UBXN7: variants seen among roughly 807,000 people sequenced by gnomAD.
UBXN7 encodes UBX domain protein 7.
A neutral mutation model predicts 58.0 loss-of-function variants in UBXN7; 9 were observed. The ratio of observed to expected loss-of-function variants is 0.16; its 90% CI spans 0.09 to 0.27. The LOEUF is 0.27. UBXN7 is among the 10% of genes least tolerant of loss of function. The pLI is 1.00. For missense variants in UBXN7, 328 were observed against 599.6 expected (o/e 0.55, Z 4.73); for synonymous variants, 208 against 205.0 (o/e 1.01, Z -0.12).
intron 3 of UBXN7, among the ~76,000 whole-genome samples, chr3:196,401,789 A>AG (rs1729994786): frequency 6.8e-6 from 1 of 147,244 alleles, no homozygotes; most frequent in Admixed American, 6.8e-5. Flanking sequence ...AAAAAAAAAA[A>AG]GTAAAGAAAG....
chr3:196,374,396 TAGC>T (rs369044176), intron 5 of UBXN7, among the ~76,000 whole-genome samples: 2 of 152,120 alleles, frequency 1.3e-5, no homozygotes, highest in African/African-American at 4.8e-5. Context: ...ATTAAAGTAA[TAGC>T]AGTTCTAAAA....
intron 7 of UBXN7, among the ~76,000 whole-genome samples, chr3:196,368,597 A>T (rs999859503): frequency 6.6e-6 from 1 of 152,198 alleles, no homozygotes; most frequent in Non-Finnish European, 1.5e-5. Flanking sequence ...ATAACCTAGA[A>T]GTCACATCAA....
Position 196,362,571 on chromosome 3 carries a change from T to C in UBXN7, c.951A>G (p.Glu317=). Residue 317 remains glutamate, a synonymous_variant, in exon 9 of 11, where the codon GAA becomes GAG. Transcript: ENST00000296328. ...TGCCAGAAAAAAGTTCAGATTCAGATTCTTCATCTGAGCGGCTATCCTGTT... is the reference window on the plus strand; with the variant it reads ...TGCCAGAAAAAAGTTCAGATTCAGACTCTTCATCTGAGCGGCTATCCTGTT... ...QTKQDSRSDE[E]SESELFSGSE... is the part of the protein sequence containing the mutation. 1.9e-6 allele frequency: 3 copies of C among 1,614,208 alleles called. No homozygotes were observed. Among genetic ancestry groups the C allele is most frequent in the Non-Finnish European group, 2.5e-6 (3 of 1,180,036 alleles).
At chr3:196,406,036 G>GT (rs1211429885) in intron 2 of UBXN7, among the ~76,000 whole-genome samples, 1,497 of 146,362 alleles carry the variant, frequency 0.01, 24 homozygotes, top group African/African-American at 0.031. Flanking sequence ...TTTGTTTTTT[G>GT]TTTTTTTTTT....
intron 1 of UBXN7, among the ~76,000 whole-genome samples, chr3:196,419,699 G>A (rs901566205): frequency 4.6e-5 from 7 of 152,122 alleles, no homozygotes; most frequent in East Asian, 1.9e-4. Flanking sequence ...CTGGGGAGTC[G>A]GGGATACTAC....
intron 1 of UBXN7, among the ~76,000 whole-genome samples, chr3:196,430,364 T>G (rs1577486015): frequency 1.2e-5 from 1 of 86,414 alleles, no homozygotes; most frequent in Admixed American, 1.7e-4. Flanking sequence ...TGTCTCAAAA[T>G]AATAATAATA....
chr3:196,428,047 C>A (rs1343243375), intron 1 of UBXN7, among the ~76,000 whole-genome samples: 1 of 152,166 alleles, frequency 6.6e-6, no homozygotes, highest in Non-Finnish European at 1.5e-5. Context: ...CTGCTTGAAC[C>A]CAGGAGGCGG....
At chr3:196,396,504 T>C (rs1327512708) in intron 3 of UBXN7, among the ~76,000 whole-genome samples, 1 of 152,194 alleles carries the variant, frequency 6.6e-6, no homozygotes, top group African/African-American at 2.4e-5. Context: ...AGCTCACGCC[T>C]GTAATCCCAG....
Position 196,386,466 on chromosome 3 carries a change from C to A in UBXN7, c.468+5347G>T, listed in dbSNP as rs1169955384. The stretch of plus-strand genomic sequence containing the variant: ...TGACATGATTGTATATTTAGAAAAC[C>A]CCATCGTCTCAGCCCAAAACCTCCT... On this transcript the variant is annotated intron_variant, in intron 5 of 10. Transcript: ENST00000296328. Among the ~76,000 whole-genome samples, 6 of 151,416 alleles carry A rather than the reference C, an allele frequency of 4.0e-5. No homozygotes were observed. The East Asian group carries it at 1.2e-3, about 29-fold the overall frequency.
intron 5 of UBXN7, among the ~76,000 whole-genome samples, chr3:196,387,672 G>A (rs1338978127): frequency 6.6e-6 from 1 of 152,180 alleles, no homozygotes; most frequent in Non-Finnish European, 1.5e-5. Flanking sequence ...TATCTATGCA[G>A]CGAACAGACA....
chr3:196,368,385 G>A (rs1414459565), intron 7 of UBXN7, among the ~76,000 whole-genome samples: 1 of 151,716 alleles, frequency 6.6e-6, no homozygotes, highest in African/African-American at 2.4e-5. Context: ...TTAAAAACCA[G>A]GATCTATAAA....
intron 5 of UBXN7, among the ~76,000 whole-genome samples, chr3:196,389,838 T>C (rs1729523201): frequency 1.3e-5 from 2 of 152,176 alleles, no homozygotes; most frequent in African/African-American, 2.4e-5. Flanking sequence ...AAATACTTCA[T>C]GTATGACAGT....
At position 196,356,127 on chromosome 3, in the gene UBXN7, C is replaced by A. The variant is rs1160888280; in HGVS notation, c.*558G>T. On this transcript the variant is annotated 3_prime_UTR_variant, in exon 11 of 11. Transcript: ENST00000296328. Reference sequence around the variant, plus strand: ...TGATGAGCAATCATTACAAGGGATGCTTTTTCCACGTAAACAAAAGCCTGG... The same window carrying A: ...TGATGAGCAATCATTACAAGGGATGATTTTTCCACGTAAACAAAAGCCTGG... The A allele has an allele frequency of 6.6e-6, 1 of 152,622 alleles. No individual in the cohort carries two copies. Among genetic ancestry groups the A allele is most frequent in the Admixed American group, 6.5e-5 (1 of 15,282 alleles). The allele number at this position is 152,622 out of a possible 1,614,324, so 9.5% of individuals were successfully genotyped here. A position where few individuals can be genotyped will look rare whatever the true frequency, so the allele number is the denominator to read the frequency against.
At chr3:196,424,702 C>CT (rs1730793161) in intron 1 of UBXN7, among the ~76,000 whole-genome samples, 1 of 131,532 alleles carries the variant, frequency 7.6e-6, no homozygotes, top group African/African-American at 2.8e-5. Flanking sequence ...ATTTTTATAA[C>CT]CTTTTTTTTT....
Position 196,371,952 on chromosome 3 carries a change from C to A in UBXN7, c.559G>T (p.Val187Leu). 1 of 1,613,940 alleles carries A rather than the reference C, an allele frequency of 6.2e-7. No individual in the cohort carries two copies. The highest frequency in any genetic ancestry group is 8.5e-7 in the Non-Finnish European group (1 of 1,179,994). ...DFACQCLNRD[V>L]WSNEAVKNII... is the part of the protein sequence containing the mutation. ...TTCTTCACAGCTTCGTTGCTCCACA[C>A]ATCGCGGTTGAGGCACTGACATGCA... is the stretch of plus-strand genomic sequence containing the variant. The change falls in exon 6 of 11, where the codon GTG becomes TTG. Residue 187 changes from valine to leucine, a missense_variant. Transcript: ENST00000296328.
At chr3:196,393,648 T>C in intron 3 of UBXN7, 29 bp from the exon 4 acceptor site, 2 of 1,584,116 alleles carry the variant, frequency 1.3e-6, no homozygotes, top group Non-Finnish European at 1.7e-6. Flanking sequence ...GAATTGAAAA[T>C]TTTTTAAATT....
intron 8 of UBXN7, among the ~76,000 whole-genome samples, chr3:196,367,132 A>G: frequency 6.6e-6 from 1 of 152,026 alleles, no homozygotes; most frequent in African/African-American, 2.4e-5. Context: ...GCAGTGAGCC[A>G]AGATCACACC....
rs761705466 is a variant in UBXN7 at position 196,361,917 on chromosome 3, T to G, written c.1235A>C (p.Lys412Thr). The G allele has an allele frequency of 6.2e-7, 1 of 1,613,410 alleles. No homozygotes were observed. The highest frequency in any genetic ancestry group is 8.5e-7 in the Non-Finnish European group (1 of 1,179,828). ...VVEGIDVNGPKAQLMLRYPDG... is the reference protein window; with the variant it reads ...VVEGIDVNGPTAQLMLRYPDG... The stretch of plus-strand genomic sequence containing the variant: ...TGGATACCGCAACATCAGCTGTGCT[T>G]TTGGTCCTAAAGGAAGGGTTTAAAA... Residue 412 changes from lysine to threonine, a missense_variant, in exon 10 of 11, where the codon AAA becomes ACA. Physicochemically the swap from Lys to Thr is moderately conservative, Grantham distance 78. This residue lies in a region of UBXN7 where 30 missense variants were observed against 94.8 expected (regional missense o/e 0.32). Transcript: ENST00000296328.
rs1422182914 is a variant in UBXN7 at position 196,432,009 on chromosome 3, C to A, written c.73+318G>T. The A allele has an allele frequency of 5.8e-6, 3 of 521,716 alleles. No homozygotes were observed. The Admixed American group carries it at 9.3e-5, about 16-fold the overall frequency. 32.3% of individuals were successfully genotyped at this position (521,716 alleles called of 1,614,324 possible). ...GCGGTGGCCCGGGTGCGGCCCCCTACTCCTCCCGCCCCCGGGTCCCCGGGC... is the reference window on the plus strand; with the variant it reads ...GCGGTGGCCCGGGTGCGGCCCCCTAATCCTCCCGCCCCCGGGTCCCCGGGC... On this transcript the variant is annotated intron_variant, in intron 1 of 10. Transcript: ENST00000296328.
Sources: gnomAD v4.1 joint callset for allele counts (sites outside exome capture counted in the v4.1 genomes callset) on GRCh38, gnomAD v4.1.1 for gene constraint, gnomAD v4.1.1 regional missense constraint, MANE v1.5 for transcripts, NCBI Gene and HGNC (gene_info 2026-07-23, HGNC 2026-07-21) for gene names.